DSCAM: variants seen among roughly 807,000 people sequenced by gnomAD.
The protein encoded by DSCAM is DS cell adhesion molecule, also known as cell adhesion molecule DSCAM.
A neutral mutation model predicts 217.7 loss-of-function variants in DSCAM; 47 were observed. The ratio of observed to expected loss-of-function variants is 0.22; its 90% CI spans 0.17 to 0.28. The LOEUF (loss-of-function observed/expected upper bound fraction) is 0.28. DSCAM is among the 10% of genes least tolerant of loss of function. The pLI is 1.00. For missense variants in DSCAM, 2,080 were observed against 2,618.3 expected, an observed-to-expected ratio of 0.79 and a Z score of 4.49; for synonymous variants, 1,056 against 1,015.3, an observed-to-expected ratio of 1.04 and a Z score of -0.76.
chr21:40,274,786 T>G, intron 11 of DSCAM, among the ~76,000 whole-genome samples: 1 of 152,198 alleles, frequency 6.6e-6, no homozygotes. Flanking sequence ...ATAATCCATT[T>G]CACAATATAA....
intron 3 of DSCAM, among the ~76,000 whole-genome samples, chr21:40,542,891 A>G (rs184458294): frequency 6.6e-6 from 1 of 152,290 alleles, no homozygotes; most frequent in African/African-American, 2.4e-5. Flanking sequence ...TCACAATATT[A>G]GAAACGACCC....
intron 18 of DSCAM, among the ~76,000 whole-genome samples, chr21:40,136,815 G>T (rs1052303655): frequency 6.6e-6 from 1 of 152,142 alleles, no homozygotes; most frequent in African/African-American, 2.4e-5. Context: ...GAATCAGACA[G>T]AATGAGGAAG....
chr21:40,427,435 A>G (rs1446744808), intron 3 of DSCAM, among the ~76,000 whole-genome samples: 2 of 152,228 alleles, frequency 1.3e-5, no homozygotes, highest in Non-Finnish European at 2.9e-5. Flanking sequence ...ATGAACCAGA[A>G]TTACCAAACC....
intron 6 of DSCAM, among the ~76,000 whole-genome samples, chr21:40,345,922 T>G (rs2081916525): frequency 6.6e-6 from 1 of 152,236 alleles, no homozygotes; most frequent in African/African-American, 2.4e-5. Context: ...CCCTTTTTAG[T>G]TCAAGTGACA....
intron 3 of DSCAM, among the ~76,000 whole-genome samples, chr21:40,611,181 C>T (rs985241057): frequency 6.6e-6 from 1 of 151,228 alleles, no homozygotes; most frequent in Non-Finnish European, 1.5e-5. Context: ...GCCTCAGCCT[C>T]CCGGGTAGCT....
Position 40,266,670 on chromosome 21 carries a change from T to TATATATATATATATAA in DSCAM, c.2356+9426_2356+9427insTTATATATATATATAT, listed in dbSNP as rs201198571. On this transcript the variant is annotated intron_variant, in intron 11 of 32. Transcript: ENST00000400454. ...ATATATATATATATATATATATATATAATCTTGAAATTTTATATATATAAA... is the reference window on the plus strand; with the variant it reads ...ATATATATATATATATATATATATATATATATATATATATAAAATCTTGAAATTTTATATATATAAA... Among the ~76,000 whole-genome samples the TATATATATATATATAA allele has an allele frequency of 2.7e-3, 322 of 120,530 alleles. 6 individuals are homozygous for TATATATATATATATAA. Among genetic ancestry groups the TATATATATATATATAA allele is most frequent in the African/African-American group, 0.012 (291 of 24,572 alleles). The allele number at this position is 120,530 out of a possible 152,430, so 79.1% of individuals were successfully genotyped here. A position where few individuals can be genotyped will look rare whatever the true frequency, so the allele number is the denominator to read the frequency against.
chr21:40,612,373 GCCCTGAAGTGTGACTA>G (rs1281179521), intron 3 of DSCAM, among the ~76,000 whole-genome samples: 1 of 152,148 alleles, frequency 6.6e-6, no homozygotes, highest in Admixed American at 6.5e-5. Context: ...TTCTCTTGAA[GCCCTGAAGTGTGACTA>G]CCCAGAAAGC....
At chr21:40,660,279 A>T (rs2090124696) in intron 3 of DSCAM, among the ~76,000 whole-genome samples, 1 of 152,228 alleles carries the variant, frequency 6.6e-6, no homozygotes, top group Admixed American at 6.5e-5. Flanking sequence ...TGACAAGAGA[A>T]AGAAAGGAAG....
chr21:40,386,951 A>C (rs145778854), intron 3 of DSCAM, among the ~76,000 whole-genome samples: 159 of 152,288 alleles, frequency 1.0e-3, no homozygotes, highest in African/African-American at 3.4e-3. Context: ...GTCAGATTAC[A>C]TTATTTGGAA....
At chr21:40,261,414 C>T (rs536087281) in intron 11 of DSCAM, among the ~76,000 whole-genome samples, 1 of 152,122 alleles carries the variant, frequency 6.6e-6, no homozygotes, top group African/African-American at 2.4e-5. Flanking sequence ...TCATCCCATC[C>T]ATTTAAGACC....
At chr21:40,116,576 T>C (rs922896578) in intron 20 of DSCAM, among the ~76,000 whole-genome samples, 2 of 152,012 alleles carry the variant, frequency 1.3e-5, no homozygotes, top group South Asian at 2.1e-4. Context: ...CTGCCTGCCA[T>C]GTAGAAGCAC....
chr21:40,332,535 G>A (rs1185960718), intron 8 of DSCAM, among the ~76,000 whole-genome samples: 1 of 152,158 alleles, frequency 6.6e-6, no homozygotes, highest in Non-Finnish European at 1.5e-5. Context: ...TAACTTTCCT[G>A]GCAGTGTTGA....
intron 5 of DSCAM, among the ~76,000 whole-genome samples, chr21:40,349,669 G>A (rs886948714): frequency 3.3e-5 from 5 of 152,072 alleles, no homozygotes; most frequent in South Asian, 2.1e-4. Context: ...TATTGAGAGC[G>A]CTTAAATAAC....
intron 26 of DSCAM, among the ~76,000 whole-genome samples, chr21:40,077,491 C>G (rs559553653): frequency 6.6e-6 from 1 of 152,202 alleles, no homozygotes; most frequent in African/African-American, 2.4e-5. Flanking sequence ...TTCACAGCCA[C>G]TCTTCTTAGG....
At chr21:40,679,349 G>A (rs2090374937) in intron 3 of DSCAM, among the ~76,000 whole-genome samples, 1 of 152,184 alleles carries the variant, frequency 6.6e-6, no homozygotes, top group Non-Finnish European at 1.5e-5. Context: ...TCTTATGCAC[G>A]TACATAATAT....
intron 2 of DSCAM, among the ~76,000 whole-genome samples, chr21:40,696,656 C>T (rs1336906230): frequency 6.6e-6 from 1 of 152,080 alleles, no homozygotes; most frequent in African/African-American, 2.4e-5. Context: ...CCAGTAGGGT[C>T]CACTGCAATC....
intron 16 of DSCAM, among the ~76,000 whole-genome samples, chr21:40,152,272 G>A (rs757163522): frequency 6.6e-6 from 1 of 152,190 alleles, no homozygotes; most frequent in Non-Finnish European, 1.5e-5. Flanking sequence ...ACAAACAACC[G>A]ACTTCTTTCC....
chr21:40,139,184 G>C (rs1285033715), intron 18 of DSCAM, among the ~76,000 whole-genome samples: 1 of 151,578 alleles, frequency 6.6e-6, no homozygotes, highest in Non-Finnish European at 1.5e-5. Flanking sequence ...GTGGTATGTG[G>C]ACCCTGAAAA....
intron 3 of DSCAM, among the ~76,000 whole-genome samples, chr21:40,572,085 GGTGTGTGTGT>G (rs10553285): frequency 9.6e-4 from 142 of 148,628 alleles, no homozygotes; most frequent in South Asian, 4.3e-3. Flanking sequence ...TGTGTGTGTG[GGTGTGTGTGT>G]GTGTGTGTGT....
Sources: allele counts gnomAD v4.1 joint callset (sites outside exome capture counted in the v4.1 genomes callset), GRCh38; gene constraint gnomAD v4.1.1; transcripts MANE v1.5; gene names NCBI Gene and HGNC (gene_info 2026-07-23, HGNC 2026-07-21).